Variants in LSAMP observed in about 807,000 individuals in gnomAD.
LSAMP encodes limbic system-associated membrane protein.
A neutral mutation model predicts 38.6 loss-of-function variants in LSAMP; 7 were observed. The observed-to-expected ratio is 0.18, with a 90% CI of 0.10 to 0.34. The LOEUF (loss-of-function observed/expected upper bound fraction) is 0.34. Among genes scored for constraint, LSAMP ranks in the 10% least tolerant of loss-of-function variants. The probability of loss-of-function intolerance (pLI) is 1.00; values close to 1 mark genes in which losing one functional copy is unlikely to be tolerated. For synonymous variants in LSAMP, 154 were observed against 166.8 expected, an observed-to-expected ratio of 0.92 and a Z score of 0.59; for missense variants, 313 against 420.0, an observed-to-expected ratio of 0.75 and a Z score of 2.23.
At chr3:115,826,300 A>T (rs1196067730) in intron 6 of LSAMP, among the ~76,000 whole-genome samples, 1 of 151,688 alleles carries the variant, frequency 6.6e-6, no homozygotes, top group African/African-American at 2.4e-5. Context: ...ATTTTTTAGT[A>T]GAGACGGGGT....
intron 3 of LSAMP, among the ~76,000 whole-genome samples, chr3:115,860,867 G>A (rs529688830): frequency 6.6e-6 from 1 of 152,008 alleles, no homozygotes; most frequent in Non-Finnish European, 1.5e-5. Flanking sequence ...AGAAGTCTCC[G>A]AGCAGGAAAA....
chr3:115,988,529 T>A (rs1939578799), intron 3 of LSAMP, among the ~76,000 whole-genome samples: 1 of 152,124 alleles, frequency 6.6e-6, no homozygotes. Context: ...CTCAAAATTC[T>A]GGGCTTAAGT....
intron 1 of LSAMP, among the ~76,000 whole-genome samples, chr3:116,443,923 G>A (rs866917863): frequency 6.6e-6 from 1 of 152,146 alleles, no homozygotes; most frequent in Non-Finnish European, 1.5e-5. Flanking sequence ...TAACCTTGGA[G>A]CATTTTAGAA....
chr3:116,444,741 C>T (rs2049482265), intron 1 of LSAMP, 136 bp downstream of exon 1: 4 of 1,137,978 alleles, frequency 3.5e-6, no homozygotes, highest in Non-Finnish European at 5.1e-6. Flanking sequence ...CACACACACA[C>T]ACACCACAAG....
chr3:116,371,724 T>A (rs566813431), intron 1 of LSAMP, among the ~76,000 whole-genome samples: 1 of 152,166 alleles, frequency 6.6e-6, no homozygotes, highest in East Asian at 1.9e-4. Flanking sequence ...AGTATCCAAA[T>A]TGAAATGGAA....
rs531685650 is a variant in LSAMP at position 116,067,990 on chromosome 3, G to A, written c.388+18334C>T. 2.0e-5 allele frequency among the ~76,000 whole-genome samples: 3 copies of A among 152,178 alleles called. No individual in the cohort carries two copies. The South Asian group carries it at 6.2e-4, about 32-fold the overall frequency. On this transcript the variant is annotated intron_variant, in intron 2 of 6. Transcript: ENST00000490035. ...AATGGTTATGAAATGGAAATGGAAT[G>A]GGAAGGAGTATGAAAAAATAAGCTG... is the stretch of plus-strand genomic sequence containing the variant.
chr3:116,082,839 G>C (rs1707901355), intron 2 of LSAMP, among the ~76,000 whole-genome samples: 1 of 152,010 alleles, frequency 6.6e-6, no homozygotes, highest in East Asian at 1.9e-4. Context: ...TAAATGATAA[G>C]AACTTATGAA....
chr3:116,219,896 CG>C (rs2046261778), intron 1 of LSAMP, among the ~76,000 whole-genome samples: 1 of 151,978 alleles, frequency 6.6e-6, no homozygotes, highest in African/African-American at 2.4e-5. Flanking sequence ...CACAATGAGC[CG>C]GGGACAGTTG....
intron 3 of LSAMP, among the ~76,000 whole-genome samples, chr3:115,984,543 A>G (rs952611554): frequency 1.3e-5 from 2 of 152,212 alleles, no homozygotes; most frequent in African/African-American, 2.4e-5. Context: ...ATCCTTGTCA[A>G]TTCACTTATC....
chr3:116,172,943 A>G (rs1051723067), intron 1 of LSAMP, among the ~76,000 whole-genome samples: 1 of 151,938 alleles, frequency 6.6e-6, no homozygotes, highest in Non-Finnish European at 1.5e-5. Context: ...ATGGGAAATG[A>G]TAGAATGAGA....
chr3:116,348,826 T>G (rs2048098298), intron 1 of LSAMP, among the ~76,000 whole-genome samples: 1 of 152,156 alleles, frequency 6.6e-6, no homozygotes, highest in Non-Finnish European at 1.5e-5. Flanking sequence ...TATTTATTAT[T>G]GGTGACACTC....
chr3:115,945,304 C>T (rs1348497864), intron 3 of LSAMP, among the ~76,000 whole-genome samples: 1 of 152,078 alleles, frequency 6.6e-6, no homozygotes, highest in Non-Finnish European at 1.5e-5. Flanking sequence ...ATGTAATTCA[C>T]TGAAAGCATT....
intron 3 of LSAMP, among the ~76,000 whole-genome samples, chr3:116,011,161 A>T (rs1319118877): frequency 6.6e-6 from 1 of 151,968 alleles, no homozygotes; most frequent in Non-Finnish European, 1.5e-5. Context: ...ACGCCACCAC[A>T]CCCAGCTAAT....
chr3:116,125,031 C>G (rs1372144805), intron 1 of LSAMP, among the ~76,000 whole-genome samples: 3 of 152,076 alleles, frequency 2.0e-5, no homozygotes, highest in African/African-American at 7.2e-5. Context: ...CTCTGCAGTA[C>G]TTGGGGTTCT....
At chr3:116,292,156 A>G (rs2047275187) in intron 1 of LSAMP, among the ~76,000 whole-genome samples, 1 of 152,202 alleles carries the variant, frequency 6.6e-6, no homozygotes, top group Non-Finnish European at 1.5e-5. Flanking sequence ...TCTGCAGTTT[A>G]GATGGAATGT....
At chr3:115,934,477 C>G (rs531315712) in intron 3 of LSAMP, among the ~76,000 whole-genome samples, 19 of 152,084 alleles carry the variant, frequency 1.2e-4, no homozygotes, top group African/African-American at 4.6e-4. Context: ...GTGCTCAGTC[C>G]TGTAGTTGAT....
intron 2 of LSAMP, among the ~76,000 whole-genome samples, chr3:116,055,121 T>A (rs1941466574): frequency 6.6e-6 from 1 of 152,172 alleles, no homozygotes. Context: ...ACACCTCAAT[T>A]TTTCTGTGTG....
intron 1 of LSAMP, among the ~76,000 whole-genome samples, chr3:116,221,078 G>A (rs995900145): frequency 6.4e-5 from 9 of 140,344 alleles, no homozygotes; most frequent in Non-Finnish European, 9.1e-5. Flanking sequence ...GCGTGAAGCC[G>A]GGAGGTGCAG....
intron 3 of LSAMP, among the ~76,000 whole-genome samples, chr3:115,953,090 A>T (rs778127328): frequency 5.3e-5 from 8 of 152,126 alleles, no homozygotes; most frequent in Non-Finnish European, 8.8e-5. Context: ...CTTCTCAGCC[A>T]CTGCACCTCA....
Sources: gnomAD v4.1 joint callset for allele counts (sites outside exome capture counted in the v4.1 genomes callset) on GRCh38, gnomAD v4.1.1 for gene constraint, MANE v1.5 for transcripts, NCBI Gene and HGNC (gene_info 2026-07-23, HGNC 2026-07-21) for gene names.